Variants in OLFM2 observed in about 807,000 individuals in gnomAD.
OLFM2 encodes noelin-2.
In OLFM2, 20 loss-of-function variants were observed where a neutral mutation model predicts 43.9. The ratio of observed to expected loss-of-function variants is 0.46; its 90% CI spans 0.32 to 0.66. OLFM2 has a LOEUF of 0.66. OLFM2 is among the 30% of genes least tolerant of loss of function. The pLI, the probability that OLFM2 is intolerant of heterozygous loss-of-function variation, is 0.04. For missense variants in OLFM2, 416 were observed against 643.6 expected (o/e 0.65, Z 3.83); for synonymous variants, 268 against 278.6 (o/e 0.96, Z 0.38).
chr19:9,914,816 C>CA (rs1357870222), intron 1 of OLFM2, among the ~76,000 whole-genome samples: 2 of 152,148 alleles, frequency 1.3e-5, no homozygotes, highest in African/African-American at 4.8e-5. Flanking sequence ...TGCCTGCACT[C>CA]ACGCCCCCTC....
intron 1 of OLFM2, among the ~76,000 whole-genome samples, chr19:9,891,268 G>A (rs111380591): frequency 1.1e-4 from 16 of 145,528 alleles, no homozygotes; most frequent in African/African-American, 2.8e-4. Flanking sequence ...AGCCGAGATC[G>A]TGCCACTGCA....
chr19:9,862,675 C>G (rs2046372727), intron 1 of OLFM2, among the ~76,000 whole-genome samples: 1 of 150,670 alleles, frequency 6.6e-6, no homozygotes, highest in African/African-American at 2.5e-5. Context: ...AGTGAGACCC[C>G]ATCTCTTAAA....
intron 1 of OLFM2, among the ~76,000 whole-genome samples, chr19:9,874,328 C>CTTTTTTT (rs35985373): frequency 1.7e-5 from 2 of 120,254 alleles, no homozygotes; most frequent in Non-Finnish European, 1.6e-5. Flanking sequence ...CCCCACTGGC[C>CTTTTTTT]TTTTTTTTTT....
intron 1 of OLFM2, among the ~76,000 whole-genome samples, chr19:9,865,992 G>A (rs1294208322): frequency 1.3e-5 from 2 of 152,102 alleles, no homozygotes; most frequent in Non-Finnish European, 2.9e-5. Flanking sequence ...ATTGCCTAGC[G>A]TGTCCGTTGA....
Position 9,857,743 on chromosome 19 carries a change from T to C in OLFM2, c.332A>G (p.Asp111Gly), listed in dbSNP as rs757832662. The C allele has an allele frequency of 3.1e-6, 5 of 1,614,104 alleles. No individual in the cohort carries two copies. The highest frequency in any genetic ancestry group is 3.4e-6 in the Non-Finnish European group (4 of 1,180,018). The stretch of plus-strand genomic sequence containing the variant: ...GAAGCTCTTGGCCGAGAGGGACCCA[T>C]CAGCTGCCCGGAGCCGCGCATCCAG... ...RSLDARLRAA[D>G]GSLSAKSFQE... The change falls in exon 3 of 6, where the codon GAT (aspartate) becomes GGT (glycine). Residue 111 changes from aspartate to glycine, a missense_variant. Transcript: ENST00000264833. This position sits in a 1 kb window ranked among gnomAD's most constrained non-coding sequence, Gnocchi z 5.7.
At chr19:9,916,090 C>T (rs1376294537) in intron 1 of OLFM2, among the ~76,000 whole-genome samples, 1 of 152,188 alleles carries the variant, frequency 6.6e-6, no homozygotes, top group African/African-American at 2.4e-5. Context: ...GGCACAGTGG[C>T]TCATGCCTAT....
intron 1 of OLFM2, among the ~76,000 whole-genome samples, chr19:9,932,404 G>C (rs2086487656): frequency 6.7e-6 from 1 of 149,840 alleles, no homozygotes; most frequent in Non-Finnish European, 1.5e-5. Flanking sequence ...GCAGTGAGCC[G>C]AGATTGCGCC....
intron 1 of OLFM2, among the ~76,000 whole-genome samples, chr19:9,892,844 TCTCTA>T (rs2046650591): frequency 6.6e-6 from 1 of 152,152 alleles, no homozygotes; most frequent in Admixed American, 6.6e-5. Context: ...TCCCACAACT[TCTCTA>T]AGATAAGCCC....
chr19:9,890,185 T>G (rs2046625987), intron 1 of OLFM2, among the ~76,000 whole-genome samples: 1 of 152,142 alleles, frequency 6.6e-6, no homozygotes. Context: ...TACCAGCACC[T>G]ATTATTCTTC....
rs750907458 is a variant in OLFM2 at position 9,856,850 on chromosome 19, C to T, written c.644G>A (p.Gly215Asp). 2 of 1,613,764 alleles carry T rather than the reference C, an allele frequency of 1.2e-6. No homozygotes were observed. The highest frequency in any genetic ancestry group is 1.1e-5 in the South Asian group (1 of 90,988). The change falls in exon 5 of 6, where the codon GGC becomes GAC. Residue 215 changes from glycine (G) to aspartate (D), a missense_variant. By Grantham distance (94) the Gly-to-Asp change is moderately conservative. Transcript: ENST00000264833. The surrounding 1 kb of genome is among the most constrained non-coding windows in gnomAD (Gnocchi z 4.0). Reference sequence around the variant, plus strand: ...GGCCATCGTGTCAGTCATCCAGGAGCCGAAGCGGGACCCCATGGCCCGAAC... The same window carrying T: ...GGCCATCGTGTCAGTCATCCAGGAGTCGAAGCGGGACCCCATGGCCCGAAC... ...ITVRAMGSRF[G>D]SWMTDTMAPS...
At chr19:9,885,162 C>T (rs1056285547) in intron 1 of OLFM2, among the ~76,000 whole-genome samples, 1 of 152,204 alleles carries the variant, frequency 6.6e-6, no homozygotes, top group Admixed American at 6.6e-5. Flanking sequence ...CTGTGCCTCA[C>T]TTTCCCCACC....
chr19:9,878,725 C>A, intron 1 of OLFM2, among the ~76,000 whole-genome samples: 1 of 152,088 alleles, frequency 6.6e-6, no homozygotes, highest in Non-Finnish European at 1.5e-5. Flanking sequence ...ACAGCTTCCC[C>A]ACATTCACAG....
rs1479612144 is a variant in OLFM2, at chr19:9,854,425, T to C, written c.1126A>G (p.Ile376Val). The change falls in exon 6 of 6, where the codon ATC becomes GTC. Residue 376 changes from isoleucine (I) to valine (V), a missense_variant. Transcript: ENST00000264833. This position sits in a 1 kb window ranked among gnomAD's most constrained non-coding sequence, Gnocchi z 9.5. ...PKRSAGEAFM[I>V]CGVLYVTNSH... ...TTGGTCACGTAGAGCACACCGCAGATCATGAAGGCCTCGCCAGCGCTGCGC... is the reference window on the plus strand; with the variant it reads ...TTGGTCACGTAGAGCACACCGCAGACCATGAAGGCCTCGCCAGCGCTGCGC... The C allele has an allele frequency of 6.2e-7, 1 of 1,614,146 alleles. No individual in the cohort carries two copies. Among genetic ancestry groups the C allele is most frequent in the African/African-American group, 1.3e-5 (1 of 75,036 alleles).
At chr19:9,914,420 G>A (rs1223999946) in intron 1 of OLFM2, among the ~76,000 whole-genome samples, 1 of 152,078 alleles carries the variant, frequency 6.6e-6, no homozygotes, top group Non-Finnish European at 1.5e-5. Flanking sequence ...CGGTCATTTC[G>A]TGCCCCCAGG....
chr19:9,878,635 C>A (rs564991283), intron 1 of OLFM2, among the ~76,000 whole-genome samples: 1 of 152,018 alleles, frequency 6.6e-6, no homozygotes, highest in East Asian at 1.9e-4. Flanking sequence ...GCTAATACAA[C>A]GGAAGTGCTT....
At chr19:9,913,481 A>G in intron 1 of OLFM2, 2 of 1,093,650 alleles carry the variant, frequency 1.8e-6, no homozygotes, top group Non-Finnish European at 2.2e-6. Flanking sequence ...GCGGCCACTC[A>G]CGATTTTCTC....
At chr19:9,896,277 T>C (rs1433869744) in intron 1 of OLFM2, among the ~76,000 whole-genome samples, 5 of 152,018 alleles carry the variant, frequency 3.3e-5, no homozygotes, top group Non-Finnish European at 7.4e-5. Flanking sequence ...ATTTTTGTAT[T>C]TTTAGTAGAG....
chr19:9,853,721 A>G lies in OLFM2; in HGVS notation c.*465T>C, dbSNP rs555497471. 37 of 416,556 alleles carry G rather than the reference A, an allele frequency of 8.9e-5. No individual in the cohort carries two copies. Among genetic ancestry groups the G allele is most frequent in the Non-Finnish European group, 9.7e-5 (23 of 236,718 alleles). 25.8% of individuals were successfully genotyped at this position (416,556 alleles called of 1,614,324 possible). On this transcript the variant is annotated 3_prime_UTR_variant, in exon 6 of 6. Transcript: ENST00000264833. ...GACACACACAGTCACCGAAGCGTCA[A>G]ATGTCAAAGGTCCTGTTTATTCCGG...
intron 1 of OLFM2, among the ~76,000 whole-genome samples, chr19:9,921,283 ATTT>A (rs1004728565): frequency 6.7e-6 from 1 of 150,322 alleles, no homozygotes; most frequent in African/African-American, 2.5e-5. Flanking sequence ...TGCTTGGCTA[ATTT>A]TTTTTTATTT....
Sources: gnomAD v4.1 joint callset for allele counts (sites outside exome capture counted in the v4.1 genomes callset) on GRCh38, gnomAD v4.1.1 for gene constraint, Gnocchi (gnomAD v3.1) non-coding constraint, MANE v1.5 for transcripts, NCBI Gene and HGNC (gene_info 2026-07-23, HGNC 2026-07-21) for gene names.